Variants in GPM6A observed in about 807,000 individuals in gnomAD.
The protein encoded by GPM6A is neuronal membrane glycoprotein M6-a.
GPM6A carries 7 observed loss-of-function variants against 32.1 expected under a neutral mutation model. That is an observed-to-expected ratio of 0.22 (90% CI 0.12 to 0.41). The LOEUF (loss-of-function observed/expected upper bound fraction) is 0.41, where lower values mean the gene tolerates loss of function less well. Ranked by LOEUF, GPM6A falls within the 10% of genes least tolerant of loss-of-function variation. The pLI, the probability that GPM6A is intolerant of heterozygous loss-of-function variation, is 1.00. For missense variants in GPM6A, 235 were observed against 347.2 expected, an observed-to-expected ratio of 0.68 and a Z score of 2.57; for synonymous variants, 130 against 123.4, an observed-to-expected ratio of 1.05 and a Z score of -0.35.
intron 1 of GPM6A, among the ~76,000 whole-genome samples, chr4:175,865,520 G>T (rs1279453586): frequency 6.6e-6 from 1 of 152,174 alleles, no homozygotes; most frequent in Non-Finnish European, 1.5e-5. Flanking sequence ...AATTTGAAGA[G>T]AATGAACATC....
chr4:175,925,369 A>C (rs939547964), intron 1 of GPM6A, among the ~76,000 whole-genome samples: 14 of 152,232 alleles, frequency 9.2e-5, no homozygotes, highest in African/African-American at 2.9e-4. Context: ...CCATTTAGCA[A>C]ATGATCTTCA....
chr4:175,889,945 A>G (rs1737588300), intron 1 of GPM6A, among the ~76,000 whole-genome samples: 1 of 152,240 alleles, frequency 6.6e-6, no homozygotes, highest in South Asian at 2.1e-4. Context: ...ACATGTGAAA[A>G]CACACTACAA....
chr4:175,659,483 G>A (rs934225580), intron 3 of GPM6A, among the ~76,000 whole-genome samples: 3 of 152,054 alleles, frequency 2.0e-5, no homozygotes, highest in Non-Finnish European at 2.9e-5. Context: ...AGTATTGAAA[G>A]TATTCAATGT....
At chr4:175,709,079 G>A (rs780435848) in intron 1 of GPM6A, among the ~76,000 whole-genome samples, 9 of 152,100 alleles carry the variant, frequency 5.9e-5, no homozygotes, top group East Asian at 1.9e-4. Flanking sequence ...GTAAGCATAC[G>A]TAAACTTAAT....
chr4:175,707,194 T>C (rs1745241831), intron 1 of GPM6A, among the ~76,000 whole-genome samples: 1 of 152,250 alleles, frequency 6.6e-6, no homozygotes, highest in South Asian at 2.1e-4. Context: ...TTTACTTTCT[T>C]AATAAACTTC....
At chr4:175,917,081 C>T (rs917316213) in intron 1 of GPM6A, among the ~76,000 whole-genome samples, 6 of 152,086 alleles carry the variant, frequency 3.9e-5, no homozygotes, top group African/African-American at 1.4e-4. Flanking sequence ...GCGATTAAGT[C>T]CTGGCAAATA....
chr4:175,849,283 C>A (rs1736180138), intron 1 of GPM6A, among the ~76,000 whole-genome samples: 1 of 152,170 alleles, frequency 6.6e-6, no homozygotes, highest in South Asian at 2.1e-4. Context: ...GTGACTAATT[C>A]TGGCCAATGG....
intron 1 of GPM6A, among the ~76,000 whole-genome samples, chr4:175,801,281 A>C (rs1201844431): frequency 1.3e-5 from 2 of 152,128 alleles, no homozygotes; most frequent in African/African-American, 4.8e-5. Context: ...GTACATTGAA[A>C]TCAGGATCAC....
intron 1 of GPM6A, among the ~76,000 whole-genome samples, chr4:175,836,207 C>T (rs1735763904): frequency 6.6e-6 from 1 of 152,066 alleles, no homozygotes; most frequent in South Asian, 2.1e-4. Flanking sequence ...AATCACCATC[C>T]TCTCTCAACC....
rs373125887 is a variant in GPM6A at position 175,710,251 on chromosome 4, C to A, written c.38-8484G>T. 2.5e-3 allele frequency among the ~76,000 whole-genome samples: 379 copies of A among 149,480 alleles called. 5 individuals carry two copies. The highest frequency in any genetic ancestry group is 9.0e-3 in the African/African-American group (365 of 40,716). Reference sequence around the variant, plus strand: ...TTGGGTAAATTTTCCTATATATGTTCTAATGTTTTAATGTGGAAAGATGGA... The same window carrying A: ...TTGGGTAAATTTTCCTATATATGTTATAATGTTTTAATGTGGAAAGATGGA... On this transcript the variant is annotated intron_variant, in intron 1 of 6. Coordinates refer to ENST00000393658, the MANE Select transcript of GPM6A (RefSeq NM_201591.3).
chr4:175,713,250 C>T (rs778437648), intron 1 of GPM6A, among the ~76,000 whole-genome samples: 7 of 151,912 alleles, frequency 4.6e-5, no homozygotes, highest in Non-Finnish European at 8.8e-5. Context: ...TCGCCCAGGC[C>T]GGAATGCGAT....
At chr4:175,907,733 T>C (rs189929585) in intron 1 of GPM6A, among the ~76,000 whole-genome samples, 1 of 152,280 alleles carries the variant, frequency 6.6e-6, no homozygotes, top group Admixed American at 6.5e-5. Flanking sequence ...TCTTCTGGTT[T>C]ATTACTATTA....
At chr4:175,751,520 C>T (rs1277358707) in intron 1 of GPM6A, among the ~76,000 whole-genome samples, 1 of 152,102 alleles carries the variant, frequency 6.6e-6, no homozygotes, top group Non-Finnish European at 1.5e-5. Context: ...ATTTCTTAGA[C>T]TCCACAGGGT....
rs145431437 is a variant in GPM6A at position 175,804,003 on chromosome 4, C to T, written c.37+8188G>A. 3.0e-4 allele frequency among the ~76,000 whole-genome samples: 46 copies of T among 151,886 alleles called. No homozygotes were observed. In the East Asian group the frequency reaches 5.8e-3, roughly 19 times the overall value. On this transcript the variant is annotated intron_variant, in intron 1 of 6. Transcript: ENST00000393658. The stretch of plus-strand genomic sequence containing the variant: ...TTAACTTGATGAAAAACTAAAATAA[C>T]GTCTCTGAGACAATAAACCACTAAA...
rs374997247 is a variant in GPM6A at position 175,854,641 on chromosome 4, G to A, written c.-22-42392C>T. On this transcript the variant is annotated intron_variant, in intron 1 of 7. Coordinates refer to the GPM6A transcript ENST00000280187. ...GCCCTGAAGGAATTTCCAGGCAGTG[G>A]TGCAAAAAAGAAAAACCCAGGCAGA... 7.9e-5 allele frequency among the ~76,000 whole-genome samples: 12 copies of A among 152,282 alleles called. No individual in the cohort carries two copies. The East Asian group carries it at 1.4e-3, about 17-fold the overall frequency.
chr4:175,834,555 C>T (rs533029556), intron 1 of GPM6A, among the ~76,000 whole-genome samples: 1 of 152,130 alleles, frequency 6.6e-6, no homozygotes, highest in African/African-American at 2.4e-5. Context: ...AGTATGTACA[C>T]AATGTCTCCA....
intron 1 of GPM6A, among the ~76,000 whole-genome samples, chr4:175,832,540 A>G (rs1735647951): frequency 6.6e-6 from 1 of 152,144 alleles, no homozygotes; most frequent in Non-Finnish European, 1.5e-5. Flanking sequence ...TACCCACAGG[A>G]GCTTAAAGTC....
At chr4:175,958,784 A>G (rs937884221) in intron 1 of GPM6A, among the ~76,000 whole-genome samples, 2 of 152,256 alleles carry the variant, frequency 1.3e-5, no homozygotes, top group African/African-American at 4.8e-5. Flanking sequence ...TTACACTAAA[A>G]GAAACCTTTT....
At chr4:175,920,613 C>T (rs111997752) in intron 1 of GPM6A, among the ~76,000 whole-genome samples, 3,620 of 152,050 alleles carry the variant, frequency 0.024, 159 homozygotes, top group African/African-American at 0.083. Flanking sequence ...TTTGGGAGGC[C>T]GAGGCAGGTG....
Sources: gnomAD v4.1 joint callset for allele counts (sites outside exome capture counted in the v4.1 genomes callset) on GRCh38, gnomAD v4.1.1 for gene constraint, MANE v1.5 for transcripts, NCBI Gene and HGNC (gene_info 2026-07-23, HGNC 2026-07-21) for gene names.